The following RNF115 variants were observed in gnomAD, a reference collection of about 807,000 sequenced individuals.
The protein encoded by RNF115 is E3 ubiquitin-protein ligase RNF115.
In RNF115, 31 loss-of-function variants were observed where a neutral mutation model predicts 39.2. The observed-to-expected ratio is 0.79, with a 90% confidence interval of 0.59 to 1.07. The LOEUF (loss-of-function observed/expected upper bound fraction) is 1.07, where lower values mean the gene tolerates loss of function less well. Ranked by LOEUF, RNF115 falls within the 50% of genes least tolerant of loss-of-function variation. RNF115 has a pLI of 0.00. For missense variants in RNF115, 384 were observed against 381.7 expected, an observed-to-expected ratio of 1.01 and a Z score of -0.05; for synonymous variants, 124 against 131.0, an observed-to-expected ratio of 0.95 and a Z score of 0.37.
At chr1:145,764,857 C>T (rs1042750749) in intron 4 of RNF115, among the ~76,000 whole-genome samples, 2 of 151,264 alleles carry the variant, frequency 1.3e-5, no homozygotes, top group Admixed American at 6.6e-5. Context: ...GGTGCCTCTG[C>T]CCGGCCGCCC....
intron 1 of RNF115, among the ~76,000 whole-genome samples, chr1:145,789,694 G>A (rs914125880): frequency 1.4e-5 from 2 of 140,144 alleles, no homozygotes; most frequent in Admixed American, 1.5e-4. Context: ...CACCACACCC[G>A]GACTTCTTTT....
At chr1:145,795,341 CA>C (rs1648923969) in intron 1 of RNF115, among the ~76,000 whole-genome samples, 4 of 152,106 alleles carry the variant, frequency 2.6e-5, no homozygotes. Flanking sequence ...AAAGCTTCCA[CA>C]ACGCGGAAGG....
intron 7 of RNF115, 65 bp from the exon 8 acceptor site, chr1:145,748,175 A>G: frequency 1.8e-6 from 2 of 1,082,098 alleles, no homozygotes; most frequent in South Asian, 2.5e-5. Context: ...AACTAACCCA[A>G]TGTCTCTACC....
intron 3 of RNF115, among the ~76,000 whole-genome samples, chr1:145,783,965 T>A (rs903753327): frequency 6.6e-6 from 1 of 152,166 alleles, no homozygotes; most frequent in Non-Finnish European, 1.5e-5. Flanking sequence ...CAGTTAAGAT[T>A]TGTTTTTCCC....
chr1:145,800,954 A>G (rs147420925), intron 1 of RNF115, among the ~76,000 whole-genome samples: 2,243 of 152,152 alleles, frequency 0.015, 63 homozygotes, highest in African/African-American at 0.051. Context: ...GCAGATCACA[A>G]AGTCAGGAGA....
chr1:145,792,590 T>A (rs1648726611), intron 1 of RNF115, among the ~76,000 whole-genome samples: 1 of 152,184 alleles, frequency 6.6e-6, no homozygotes, highest in Non-Finnish European at 1.5e-5. Context: ...ATAATTGCTA[T>A]AACCAATGAA....
In RNF115 at chr1:145,771,916, A is replaced by G. The variant is rs1553715830; in HGVS notation, c.223T>C (p.Trp75Arg). The G allele has an allele frequency of 6.2e-7, 1 of 1,611,876 alleles. No homozygotes were observed. Among genetic ancestry groups the G allele is most frequent in the Non-Finnish European group, 8.5e-7 (1 of 1,179,144 alleles). The change falls in exon 4 of 9, where the codon TGG becomes CGG. Residue 75 changes from tryptophan (W) to arginine (R), a missense_variant. Coordinates refer to ENST00000582693, the MANE Select transcript of RNF115 (RefSeq NM_014455.4). Reference protein sequence around the residue: ...NTTTTHFAELWGHLDHTMFFQ... With the variant: ...NTTTTHFAELRGHLDHTMFFQ... ...AACATCGTGTGATCCAAATGGCCCC[A>G]AAGCTAGTAAAGACCAGAAATAAGT...
chr1:145,785,622 ACACT>A (rs781833121), intron 2 of RNF115, among the ~76,000 whole-genome samples: 16 of 152,166 alleles, frequency 1.1e-4, no homozygotes, highest in Non-Finnish European at 2.1e-4. Context: ...AAACATACAA[ACACT>A]CACCCCAATG....
chr1:145,774,331 A>G (rs187328632), intron 3 of RNF115, among the ~76,000 whole-genome samples: 1 of 149,284 alleles, frequency 6.7e-6, no homozygotes, highest in Non-Finnish European at 1.5e-5. Context: ...TTAGAAATCC[A>G]GACATTTCTT....
intron 3 of RNF115, among the ~76,000 whole-genome samples, chr1:145,781,048 C>T (rs1553717301): frequency 6.6e-6 from 1 of 152,140 alleles, no homozygotes; most frequent in African/African-American, 2.4e-5. Flanking sequence ...GATTCACTCT[C>T]CACCGGCCCT....
chr1:145,784,456 G>C, intron 3 of RNF115, 83 bp downstream of exon 3: 6 of 1,193,758 alleles, frequency 5.0e-6, no homozygotes, highest in Non-Finnish European at 6.2e-6. Flanking sequence ...CTGATGTTGT[G>C]CCACACTGGA....
At chr1:145,764,771 C>CCCGG (rs1658693348) in intron 4 of RNF115, among the ~76,000 whole-genome samples, 2 of 149,720 alleles carry the variant, frequency 1.3e-5, no homozygotes, top group Non-Finnish European at 3.0e-5. Flanking sequence ...CCAGCCCCCG[C>CCCGG]CCAGCCAGCC....
chr1:145,796,525 T>C (rs1298051008), intron 1 of RNF115, among the ~76,000 whole-genome samples: 2 of 151,816 alleles, frequency 1.3e-5, no homozygotes, highest in Admixed American at 6.6e-5. Context: ...CTCCTGAGAC[T>C]ACAGGTGCAT....
intron 5 of RNF115, 147 bp from the exon 6 acceptor site, chr1:145,751,657 C>T (rs782065760): frequency 3.8e-6 from 2 of 529,566 alleles, no homozygotes; most frequent in South Asian, 2.7e-5. Flanking sequence ...GAATTCTGTA[C>T]ATTTTCAAGA....
chr1:145,778,141 T>C (rs940607744), intron 3 of RNF115, among the ~76,000 whole-genome samples: 1 of 152,196 alleles, frequency 6.6e-6, no homozygotes, highest in African/African-American at 2.4e-5. Context: ...CATGTAGTAT[T>C]ATCCAGCCAT....
chr1:145,754,154 T>G (rs1267345354), intron 4 of RNF115, among the ~76,000 whole-genome samples: 2 of 152,230 alleles, frequency 1.3e-5, no homozygotes, highest in African/African-American at 4.8e-5. Flanking sequence ...CTTGCTTTTT[T>G]GTATTATTTT....
chr1:145,773,085 T>A (rs1239570635), intron 3 of RNF115: 5 of 152,210 alleles, frequency 3.3e-5, no homozygotes, highest in African/African-American at 1.2e-4. Flanking sequence ...TATTCTCTAT[T>A]TGTTGAGACA....
At chr1:145,792,665 G>A (rs1320259484) in intron 1 of RNF115, among the ~76,000 whole-genome samples, 1 of 152,128 alleles carries the variant, frequency 6.6e-6, no homozygotes, top group African/African-American at 2.4e-5. Context: ...GACTGAAACA[G>A]AGACCTAAAA....
At chr1:145,774,915 A>C (rs1647811683) in intron 3 of RNF115, among the ~76,000 whole-genome samples, 1 of 152,152 alleles carries the variant, frequency 6.6e-6, no homozygotes, top group Non-Finnish European at 1.5e-5. Context: ...TAGTATACAG[A>C]AAATTTGCTG....
Sources: gnomAD v4.1 joint callset for allele counts (sites outside exome capture counted in the v4.1 genomes callset) on GRCh38, gnomAD v4.1.1 for gene constraint, MANE v1.5 for transcripts, NCBI Gene and HGNC (gene_info 2026-07-23, HGNC 2026-07-21) for gene names.